Variants in DPP10 observed in about 807,000 individuals in gnomAD.
DPP10 encodes inactive dipeptidyl peptidase 10.
DPP10 carries 33 observed loss-of-function variants against 120.9 expected under a neutral mutation model. The ratio of observed to expected loss-of-function variants is 0.27; its 90% confidence interval spans 0.21 to 0.37. The LOEUF (loss-of-function observed/expected upper bound fraction) is 0.37, where lower values mean the gene tolerates loss of function less well. Among genes scored for constraint, DPP10 ranks in the 10% least tolerant of loss-of-function variants. DPP10 has a pLI of 1.00. For synonymous variants in DPP10, 337 were observed against 326.1 expected (o/e 1.03, Z -0.36); for missense variants, 816 against 942.8 (o/e 0.87, Z 1.76).
chr2:115,263,085 T>C (rs1273848036), intron 1 of DPP10, among the ~76,000 whole-genome samples: 2 of 152,176 alleles, frequency 1.3e-5, no homozygotes, highest in Non-Finnish European at 2.9e-5. Context: ...GAGCAAGTCA[T>C]TTCCTTTTTC....
intron 1 of DPP10, among the ~76,000 whole-genome samples, chr2:115,081,637 T>G (rs1326970045): frequency 6.6e-6 from 1 of 152,222 alleles, no homozygotes; most frequent in Non-Finnish European, 1.5e-5. Flanking sequence ...TCTGTCCTTT[T>G]CTACTTGTTC....
intron 12 of DPP10, among the ~76,000 whole-genome samples, chr2:115,765,202 C>T (rs917415998): frequency 6.6e-6 from 1 of 152,084 alleles, no homozygotes. Context: ...TTCTGAACTA[C>T]TTCTAAGGTA....
chr2:114,472,551 A>C (rs1239078687), intron 1 of DPP10, among the ~76,000 whole-genome samples: 1 of 152,194 alleles, frequency 6.6e-6, no homozygotes, highest in African/African-American at 2.4e-5. Context: ...AAAAAGAAGT[A>C]GTCCCAGAAC....
At position 115,466,170 on chromosome 2, in the gene DPP10, T is replaced by C. The variant is rs146676084; in HGVS notation, c.272-33340T>C. Among the ~76,000 whole-genome samples, 567 of 152,268 alleles carry C rather than the reference T, an allele frequency of 3.7e-3. 2 individuals are homozygous for C. Among genetic ancestry groups the C allele is most frequent in the Middle Eastern group, 0.014 (4 of 294 alleles). On this transcript the variant is annotated intron_variant, in intron 3 of 25. Coordinates refer to ENST00000410059, the MANE Select transcript of DPP10 (RefSeq NM_020868.6). Reference sequence around the variant, plus strand: ...GATAGACCTTTGCTTTAGAAACTTATGTGGAAATACCAATCCAGAGAAATC... The same window carrying C: ...GATAGACCTTTGCTTTAGAAACTTACGTGGAAATACCAATCCAGAGAAATC...
chr2:115,383,797 A>G (rs536597637), intron 3 of DPP10, among the ~76,000 whole-genome samples: 2 of 152,216 alleles, frequency 1.3e-5, no homozygotes, highest in Non-Finnish European at 2.9e-5. Flanking sequence ...AATAAAATAG[A>G]TTACTCTTTC....
chr2:114,631,546 T>A (rs1482351838), intron 1 of DPP10, among the ~76,000 whole-genome samples: 1 of 152,186 alleles, frequency 6.6e-6, no homozygotes, highest in Non-Finnish European at 1.5e-5. Flanking sequence ...CTAAAGGGAC[T>A]GGAGAAATCT....
At chr2:115,222,805 A>G (rs969045920) in intron 1 of DPP10, among the ~76,000 whole-genome samples, 1 of 152,166 alleles carries the variant, frequency 6.6e-6, no homozygotes, top group Non-Finnish European at 1.5e-5. Context: ...CAGCATTAGT[A>G]TCTAGATATC....
intron 1 of DPP10, among the ~76,000 whole-genome samples, chr2:114,560,183 CTAT>C (rs1432620490): frequency 2.0e-5 from 3 of 152,216 alleles, no homozygotes; most frequent in Admixed American, 6.5e-5. Flanking sequence ...TATGAAAAAG[CTAT>C]TATTGGTGAA....
intron 5 of DPP10, among the ~76,000 whole-genome samples, chr2:115,578,801 G>T (rs1396247051): frequency 6.6e-6 from 1 of 152,172 alleles, no homozygotes; most frequent in East Asian, 1.9e-4. Context: ...TATATTACTT[G>T]TCCCTATGGA....
chr2:115,451,984 G>A (rs1282125598), intron 3 of DPP10, among the ~76,000 whole-genome samples: 1 of 151,806 alleles, frequency 6.6e-6, no homozygotes, highest in Non-Finnish European at 1.5e-5. Context: ...ACATTATAGT[G>A]TATTTGGTCT....
chr2:115,563,916 AT>A (rs1046867568), intron 5 of DPP10, among the ~76,000 whole-genome samples: 5 of 152,170 alleles, frequency 3.3e-5, no homozygotes, highest in Non-Finnish European at 7.4e-5. Context: ...CTGTATTCAA[AT>A]TTTTATCTAA....
At chr2:115,138,973 A>G (rs1267277440) in intron 1 of DPP10, among the ~76,000 whole-genome samples, 1 of 152,166 alleles carries the variant, frequency 6.6e-6, no homozygotes, top group Non-Finnish European at 1.5e-5. Context: ...AAAAAAATGA[A>G]TTGCATGTTG....
chr2:115,296,914 G>A (rs1032417354), intron 1 of DPP10, among the ~76,000 whole-genome samples: 1 of 151,942 alleles, frequency 6.6e-6, no homozygotes, highest in Non-Finnish European at 1.5e-5. Flanking sequence ...AGAGTTTACA[G>A]ATGTTCTAAA....
intron 19 of DPP10, among the ~76,000 whole-genome samples, chr2:115,798,175 A>G (rs1684755786): frequency 6.6e-6 from 1 of 151,998 alleles, no homozygotes; most frequent in South Asian, 2.1e-4. Context: ...TTTATAAGAA[A>G]TATTGAACTT....
chr2:115,563,661 T>C (rs2080826156), intron 5 of DPP10, among the ~76,000 whole-genome samples: 1 of 152,198 alleles, frequency 6.6e-6, no homozygotes, highest in African/African-American at 2.4e-5. Context: ...TTGATACATG[T>C]TATCCCTTTT....
chr2:115,530,276 C>T (rs983835281), intron 5 of DPP10, among the ~76,000 whole-genome samples: 3 of 152,088 alleles, frequency 2.0e-5, no homozygotes, highest in African/African-American at 7.2e-5. Context: ...TGAATTACCT[C>T]CTTCAAGAAA....
chr2:115,333,586 G>T (rs1225694126), intron 2 of DPP10, among the ~76,000 whole-genome samples: 2 of 152,080 alleles, frequency 1.3e-5, no homozygotes, highest in East Asian at 3.9e-4. Flanking sequence ...CATGTTTAGT[G>T]CTTCCTTCAG....
At chr2:115,787,188 A>G (rs1165042175) in intron 17 of DPP10, among the ~76,000 whole-genome samples, 1 of 152,240 alleles carries the variant, frequency 6.6e-6, no homozygotes, top group Non-Finnish European at 1.5e-5. Flanking sequence ...CAGGCTTTCA[A>G]AATGTAAATG....
chr2:115,704,887 A>C (rs2092039007), intron 7 of DPP10, among the ~76,000 whole-genome samples: 1 of 152,002 alleles, frequency 6.6e-6, no homozygotes, highest in Non-Finnish European at 1.5e-5. Flanking sequence ...CAAATATTAA[A>C]GAAGTGTATT....
Sources: allele counts gnomAD v4.1 joint callset (sites outside exome capture counted in the v4.1 genomes callset), GRCh38; gene constraint gnomAD v4.1.1; transcripts MANE v1.5; gene names NCBI Gene and HGNC (gene_info 2026-07-23, HGNC 2026-07-21).